Variants in AK8 observed in about 807,000 individuals in gnomAD.
The protein encoded by AK8 is adenylate kinase 8, also known as ATP-AMP transphosphorylase 8.
Under a neutral mutation model 54.6 loss-of-function variants are expected in AK8, and 44 were observed. That is an observed-to-expected ratio of 0.81 (90% CI 0.63 to 1.04). The LOEUF (loss-of-function observed/expected upper bound fraction) is 1.04. Among genes scored for constraint, AK8 ranks in the 50% least tolerant of loss-of-function variants. The pLI, the probability that AK8 is intolerant of heterozygous loss-of-function variation, is 0.00. For synonymous variants in AK8, 239 were observed against 245.6 expected, an observed-to-expected ratio of 0.97 and a Z score of 0.25; for missense variants, 555 against 613.6, an observed-to-expected ratio of 0.90 and a Z score of 1.01.
intron 10 of AK8, among the ~76,000 whole-genome samples, chr9:132,811,341 T>C (rs933710602): frequency 8.6e-5 from 13 of 151,712 alleles, no homozygotes; most frequent in African/African-American, 3.2e-4. Context: ...AAGAAGGAGG[T>C]AAGAGGGTCA....
At chr9:132,814,005 T>C (rs537052369) in intron 10 of AK8, among the ~76,000 whole-genome samples, 3 of 151,884 alleles carry the variant, frequency 2.0e-5, no homozygotes, top group African/African-American at 4.8e-5. Context: ...GGGCAGGAAG[T>C]GGTGGCTTAC....
In AK8 at chr9:132,791,570, T is replaced by C. The variant is rs1166352507; in HGVS notation, c.1121+1064A>G. Among the ~76,000 whole-genome samples the C allele has an allele frequency of 6.6e-6, 1 of 152,238 alleles. No homozygotes were observed. Among genetic ancestry groups the C allele is most frequent in the East Asian group, 1.9e-4 (1 of 5,200 alleles). Reference sequence around the variant, plus strand: ...GAAGATCAATGAGAGGGCCTTGTCCTGCATTGACTATTGAAATACAGATAT... The same window carrying C: ...GAAGATCAATGAGAGGGCCTTGTCCCGCATTGACTATTGAAATACAGATAT... On this transcript the variant is annotated intron_variant, in intron 11 of 12. Transcript: ENST00000298545. This position sits in a 1 kb window ranked among gnomAD's most constrained non-coding sequence, Gnocchi z 4.0.
At chr9:132,831,876 G>A (rs1842113777) in intron 5 of AK8, among the ~76,000 whole-genome samples, 1 of 151,834 alleles carries the variant, frequency 6.6e-6, no homozygotes, top group African/African-American at 2.4e-5. Context: ...GCAACACAAT[G>A]AGACCCCCCC....
intron 10 of AK8, among the ~76,000 whole-genome samples, chr9:132,800,211 G>A (rs892002122): frequency 7.2e-5 from 11 of 152,294 alleles, no homozygotes; most frequent in African/African-American, 2.2e-4. Context: ...CTGCAAGCCC[G>A]TCTCGCTGCC....
At chr9:132,856,474 C>T (rs1843175618) in intron 4 of AK8, among the ~76,000 whole-genome samples, 1 of 152,206 alleles carries the variant, frequency 6.6e-6, no homozygotes, top group Admixed American at 6.5e-5. Context: ...CTTACAGTAA[C>T]ATGGGCTCCC....
intron 4 of AK8, among the ~76,000 whole-genome samples, chr9:132,862,346 AAC>A (rs1843425192): frequency 6.8e-6 from 1 of 147,980 alleles, no homozygotes; most frequent in Admixed American, 6.7e-5. Context: ...TTTTTTTGTT[AAC>A]ACAGAGTCTT....
chr9:132,857,686 T>C (rs1204367969), intron 4 of AK8, among the ~76,000 whole-genome samples: 1 of 152,182 alleles, frequency 6.6e-6, no homozygotes, highest in Non-Finnish European at 1.5e-5. Context: ...AGGTACAGGA[T>C]GCAGAGAAGG....
chr9:132,877,672 G>T, intron 1 of AK8: 1 of 366,546 alleles, frequency 2.7e-6, no homozygotes, highest in Non-Finnish European at 5.5e-6. Flanking sequence ...GAGGGACCAA[G>T]GTGGGAGATG....
chr9:132,832,423 GC>G (rs1842148087), intron 5 of AK8, among the ~76,000 whole-genome samples: 3 of 152,196 alleles, frequency 2.0e-5, no homozygotes, highest in African/African-American at 7.2e-5. Flanking sequence ...AGGAGACGCA[GC>G]GTCTGACAGC....
chr9:132,731,272 G>C (rs2130939907), intron 11 of AK8, among the ~76,000 whole-genome samples: 1 of 152,316 alleles, frequency 6.6e-6, no homozygotes, highest in Admixed American at 6.5e-5. Flanking sequence ...GGTGTCAGGA[G>C]GTGGCTATGG....
At chr9:132,862,973 A>G (rs544706045) in intron 4 of AK8, among the ~76,000 whole-genome samples, 1 of 152,382 alleles carries the variant, frequency 6.6e-6, no homozygotes, top group East Asian at 1.9e-4. Flanking sequence ...ATGCCCAGCC[A>G]GAAGGAATTT....
chr9:132,747,455 T>C (rs1466366421), intron 11 of AK8, among the ~76,000 whole-genome samples: 1 of 142,794 alleles, frequency 7.0e-6, no homozygotes, highest in Non-Finnish European at 1.5e-5. Context: ...ACCCAGCATT[T>C]TTTTTTTTCT....
chr9:132,770,363 G>T lies in AK8; in HGVS notation c.1121+22271C>A, dbSNP rs1332458573. On this transcript the variant is annotated intron_variant, in intron 11 of 12. Coordinates refer to ENST00000298545, the MANE Select transcript of AK8 (RefSeq NM_152572.3). The surrounding 1 kb of genome is among the most constrained non-coding windows in gnomAD (Gnocchi z 4.3). ...CTGCTTCCTCAGTGCCATGAGGACC[G>T]CGCTCGATGGCGTCCAGGGGCCTCT... Among the ~76,000 whole-genome samples the T allele has an allele frequency of 6.6e-6, 1 of 152,202 alleles. No homozygotes were observed. Among genetic ancestry groups the T allele is most frequent in the Non-Finnish European group, 1.5e-5 (1 of 68,038 alleles).
At chr9:132,745,431 C>A (rs915184014) in intron 11 of AK8, among the ~76,000 whole-genome samples, 4 of 152,082 alleles carry the variant, frequency 2.6e-5, no homozygotes, top group African/African-American at 9.7e-5. Flanking sequence ...GCGTCCGTGT[C>A]GCGGCTGTAA....
intron 9 of AK8, among the ~76,000 whole-genome samples, chr9:132,820,855 A>G (rs1405331293): frequency 1.3e-5 from 2 of 152,214 alleles, no homozygotes; most frequent in Admixed American, 6.5e-5. Context: ...GGGTTCAGAC[A>G]CGCATTTGCA....
At chr9:132,813,205 C>T (rs367979376) in intron 10 of AK8, among the ~76,000 whole-genome samples, 14 of 150,430 alleles carry the variant, frequency 9.3e-5, no homozygotes, top group Non-Finnish European at 1.0e-4. Context: ...GGACCAGACC[C>T]GCTCACTGCC....
At position 132,860,196 on chromosome 9, in the gene AK8, T is replaced by C. The variant is rs546135281; in HGVS notation, c.333+3469A>G. On this transcript the variant is annotated intron_variant, in intron 4 of 12. Transcript: ENST00000298545. This position sits in a 1 kb window ranked among gnomAD's most constrained non-coding sequence, Gnocchi z 4.4. ...CAGAAGCATCACATGTCCCTGATGGTCCAGTGAGGGAGGGGCCTGAGCAGG... is the reference window on the plus strand; with the variant it reads ...CAGAAGCATCACATGTCCCTGATGGCCCAGTGAGGGAGGGGCCTGAGCAGG... Among the ~76,000 whole-genome samples the C allele has an allele frequency of 6.6e-6, 1 of 152,150 alleles. No homozygotes were observed. Among genetic ancestry groups the C allele is most frequent in the African/African-American group, 2.4e-5 (1 of 41,516 alleles).
Position 132,828,725 on chromosome 9 carries a change from C to T in AK8, c.404G>A (p.Gly135Asp). The part of the protein sequence containing the change: ...RLAEEDCIKQ[G>D]WILDGIPETR... Reference sequence around the variant, plus strand: ...CTCAGGGATGCCATCCAGAATCCAGCCCTAGACAGAAGATTCAGAGAGGTG... The same window carrying T: ...CTCAGGGATGCCATCCAGAATCCAGTCCTAGACAGAAGATTCAGAGAGGTG... Residue 135 changes from glycine (G) to aspartate (D), a missense_variant and splice_region_variant, in exon 6 of 13, where the codon GGC (glycine) becomes GAC (aspartate). Coordinates refer to ENST00000298545, the MANE Select transcript of AK8 (RefSeq NM_152572.3). The T allele has an allele frequency of 6.2e-7, 1 of 1,605,956 alleles. No homozygotes were observed. The highest frequency in any genetic ancestry group is 2.2e-5 in the East Asian group (1 of 44,612).
chr9:132,853,079 G>A (rs1329200830), intron 5 of AK8, among the ~76,000 whole-genome samples: 3 of 151,844 alleles, frequency 2.0e-5, no homozygotes, highest in South Asian at 2.1e-4. Context: ...AAAATAGGCC[G>A]GGCACGGTAG....
Sources: allele counts gnomAD v4.1 joint callset (sites outside exome capture counted in the v4.1 genomes callset), GRCh38; gene constraint gnomAD v4.1.1; non-coding constraint Gnocchi (gnomAD v3.1); transcripts MANE v1.5; gene names NCBI Gene and HGNC (gene_info 2026-07-23, HGNC 2026-07-21).